PCDH15: variants seen among roughly 807,000 people sequenced by gnomAD.
The protein encoded by PCDH15 is protocadherin-15.
In PCDH15, 129 loss-of-function variants were observed where a neutral mutation model predicts 178.5. That is an observed-to-expected ratio of 0.72 (90% CI 0.63 to 0.84). The LOEUF (loss-of-function observed/expected upper bound fraction) is 0.84, where lower values mean the gene tolerates loss of function less well. Among genes scored for constraint, PCDH15 ranks in the 40% least tolerant of loss-of-function variants. The pLI is 0.00. For synonymous variants in PCDH15, 800 were observed against 732.0 expected, an observed-to-expected ratio of 1.09 and a Z score of -1.50; for missense variants, 2,230 against 2,099.9, an observed-to-expected ratio of 1.06 and a Z score of -1.21.
Position 55,539,975 on chromosome 10 carries a change from T to C in PCDH15, c.-156+87650A>G, listed in dbSNP as rs748039724. Among the ~76,000 whole-genome samples, 4 of 152,066 alleles carry C rather than the reference T, an allele frequency of 2.6e-5. No individual in the cohort carries two copies. The East Asian group carries it at 5.8e-4, about 22-fold the overall frequency. On this transcript the variant is annotated intron_variant, in intron 2 of 5. Coordinates refer to the PCDH15 transcript ENST00000613346. ...ACAGGAGACAGAGGCATGAAGTGGA[T>C]AAAAAGCCTGCCAAAGATAATATAC...
chr10:55,050,778 C>T (rs1841142889), intron 2 of PCDH15, among the ~76,000 whole-genome samples: 1 of 152,040 alleles, frequency 6.6e-6, no homozygotes, highest in Admixed American at 6.5e-5. Context: ...TCCTACAGTA[C>T]CCAAAGTTAA....
intron 2 of PCDH15, among the ~76,000 whole-genome samples, chr10:55,426,804 C>A (rs1838768650): frequency 1.3e-5 from 2 of 152,158 alleles, no homozygotes; most frequent in African/African-American, 4.8e-5. Context: ...GGAAGCTAAT[C>A]TTCCCCTGAA....
chr10:55,305,377 A>C (rs1843394520), intron 1 of PCDH15, among the ~76,000 whole-genome samples: 1 of 152,220 alleles, frequency 6.6e-6, no homozygotes, highest in Non-Finnish European at 1.5e-5. Flanking sequence ...ATATCACAAC[A>C]ACCAATATAT....
chr10:54,513,829 G>A (rs969986468), intron 3 of PCDH15, among the ~76,000 whole-genome samples: 9 of 152,092 alleles, frequency 5.9e-5, no homozygotes, highest in African/African-American at 1.2e-4. Context: ...AGAAATTCTT[G>A]GATTACAGCA....
At chr10:54,209,904 G>C (rs893911713) in intron 10 of PCDH15, among the ~76,000 whole-genome samples, 3 of 152,054 alleles carry the variant, frequency 2.0e-5, no homozygotes, top group Non-Finnish European at 2.9e-5. Flanking sequence ...GATTCATGTA[G>C]GGACAGGGGT....
intron 3 of PCDH15, among the ~76,000 whole-genome samples, chr10:54,408,133 C>T (rs1952946366): frequency 6.8e-6 from 1 of 147,554 alleles, no homozygotes; most frequent in Admixed American, 6.8e-5. Flanking sequence ...GAGTTTTCTT[C>T]ACTATATTTA....
chr10:54,284,476 T>G (rs990832702), intron 8 of PCDH15, among the ~76,000 whole-genome samples: 6 of 152,210 alleles, frequency 3.9e-5, no homozygotes, highest in Non-Finnish European at 8.8e-5. Flanking sequence ...AATGTGACAC[T>G]TTAAGGATCT....
rs1297846692 is a variant in PCDH15 at position 55,590,743 on chromosome 10, C to G, written c.-156+36882G>C. Among the ~76,000 whole-genome samples the G allele has an allele frequency of 2.6e-5, 4 of 152,258 alleles. No individual in the cohort carries two copies. The East Asian group carries it at 7.7e-4, about 29-fold the overall frequency. On this transcript the variant is annotated intron_variant, in intron 2 of 5. Coordinates refer to the PCDH15 transcript ENST00000613346. The stretch of plus-strand genomic sequence containing the variant: ...TCTGACAAATTAAGATTGTAAGTCA[C>G]TTTATTATACAGCATCTGGTCATAT...
At chr10:54,604,114 T>C (rs573552240) in intron 2 of PCDH15, among the ~76,000 whole-genome samples, 1 of 152,184 alleles carries the variant, frequency 6.6e-6, no homozygotes, top group Admixed American at 6.6e-5. Context: ...TTAACTGATT[T>C]ACACTTTCAC....
At chr10:55,393,180 C>T (rs1837841279) in intron 2 of PCDH15, among the ~76,000 whole-genome samples, 1 of 151,936 alleles carries the variant, frequency 6.6e-6, no homozygotes, top group Admixed American at 6.6e-5. Context: ...ACTGATGGTC[C>T]TCAAATTTAG....
intron 3 of PCDH15, among the ~76,000 whole-genome samples, chr10:54,471,732 A>G (rs2077934209): frequency 6.6e-6 from 1 of 151,916 alleles, no homozygotes; most frequent in South Asian, 2.1e-4. Flanking sequence ...AAAGTGTTAT[A>G]TTTAAAATTA....
intron 2 of PCDH15, among the ~76,000 whole-genome samples, chr10:55,094,363 G>C (rs1176172813): frequency 6.6e-6 from 1 of 151,942 alleles, no homozygotes; most frequent in African/African-American, 2.4e-5. Flanking sequence ...GACACAGGGT[G>C]GGGAACATCA....
intron 2 of PCDH15, among the ~76,000 whole-genome samples, chr10:55,079,078 C>T (rs1458222560): frequency 1.3e-5 from 2 of 151,940 alleles, no homozygotes; most frequent in Non-Finnish European, 2.9e-5. Context: ...ATTTAGAATC[C>T]TTTTTTATTC....
intron 28 of PCDH15, among the ~76,000 whole-genome samples, chr10:53,849,860 C>CAAAAGA (rs2078236189): frequency 1.9e-5 from 1 of 52,710 alleles, no homozygotes; most frequent in Non-Finnish European, 4.0e-5. Context: ...GGCTCCGTCT[C>CAAAAGA]AAAAAAAAAA....
chr10:54,521,122 T>C (rs960175159), intron 3 of PCDH15, among the ~76,000 whole-genome samples: 20 of 150,022 alleles, frequency 1.3e-4, no homozygotes, highest in Admixed American at 1.3e-4. Context: ...AAATGATGAG[T>C]TAATGGGTGC....
At chr10:55,512,286 A>G in intron 2 of PCDH15, among the ~76,000 whole-genome samples, 1 of 152,062 alleles carries the variant, frequency 6.6e-6, no homozygotes. Flanking sequence ...TAATAAAGCT[A>G]TTTTGCACTG....
chr10:55,081,016 C>G (rs1286556354), intron 2 of PCDH15, among the ~76,000 whole-genome samples: 1 of 152,108 alleles, frequency 6.6e-6, no homozygotes, highest in East Asian at 1.9e-4. Flanking sequence ...TTCATAGCCC[C>G]AGACAAGGAG....
rs546027225 is a variant in PCDH15, at chr10:54,843,805, T to C, written c.-29+53645A>G. Among the ~76,000 whole-genome samples, 7 of 152,120 alleles carry C rather than the reference T, an allele frequency of 4.6e-5. No individual in the cohort carries two copies. In the South Asian group the frequency reaches 1.4e-3, roughly 31 times the overall value. ...TTGAAATTTCTGAACAGTTCCCTGATACATCTTACGGGGATCAGTGTTTTG... is the reference window on the plus strand; with the variant it reads ...TTGAAATTTCTGAACAGTTCCCTGACACATCTTACGGGGATCAGTGTTTTG... On this transcript the variant is annotated intron_variant, in intron 3 of 5. Transcript: ENST00000458638.
intron 1 of PCDH15, among the ~76,000 whole-genome samples, chr10:55,242,598 T>C (rs564175929): frequency 4.3e-4 from 65 of 152,190 alleles, no homozygotes; most frequent in Non-Finnish European, 7.9e-4. Context: ...TATTACAGCT[T>C]TTGAGGAGGC....
Sources: gnomAD v4.1 joint callset for allele counts (sites outside exome capture counted in the v4.1 genomes callset) on GRCh38, gnomAD v4.1.1 for gene constraint, MANE v1.5 for transcripts, NCBI Gene and HGNC (gene_info 2026-07-23, HGNC 2026-07-21) for gene names.